The following RANBP2 variants were observed in gnomAD, a reference collection of about 807,000 sequenced individuals.
RANBP2 encodes RAN binding protein 2.
Under a neutral mutation model 303.6 loss-of-function variants are expected in RANBP2, and 57 were observed. That is an observed-to-expected ratio of 0.19 (90% CI 0.15 to 0.23). The LOEUF is 0.23. RANBP2 is among the 10% of genes least tolerant of loss of function. The pLI is 1.00. For synonymous variants in RANBP2, 1,167 were observed against 1,301.5 expected, an observed-to-expected ratio of 0.90 and a Z score of 2.23; for missense variants, 3,138 against 3,780.8, an observed-to-expected ratio of 0.83 and a Z score of 4.46.
chr2:108,974,329 CAAAAAAAAAAAA>C, the RANBP2 span, among the ~76,000 whole-genome samples: 935 of 61,616 alleles, frequency 0.015, 28 homozygotes, highest in African/African-American at 0.059. Flanking sequence ...GGATCCGTCT[CAAAAAAAAAAAA>C]AAAAAAAAAA....
chr2:109,332,147 C>T, the RANBP2 span, among the ~76,000 whole-genome samples: 605 of 152,286 alleles, frequency 4.0e-3, 8 homozygotes, highest in Non-Finnish European at 5.6e-3. Context: ...ACCAGAGAGG[C>T]GCTTTACCCA....
chr2:109,549,340 C>G, the RANBP2 span, among the ~76,000 whole-genome samples: 3 of 152,270 alleles, frequency 2.0e-5, no homozygotes, highest in South Asian at 4.2e-4. Flanking sequence ...CTTGAAAGGT[C>G]ACACAGCACT....
At chr2:109,018,606 C>A in the RANBP2 span, among the ~76,000 whole-genome samples, 1 of 152,350 alleles carries the variant, frequency 6.6e-6, no homozygotes, top group Admixed American at 6.5e-5. Context: ...CTTCTCCTAA[C>A]CTCCTGTTGA....
the RANBP2 span, among the ~76,000 whole-genome samples, chr2:109,354,205 G>A: frequency 6.6e-6 from 1 of 152,154 alleles, no homozygotes; most frequent in Non-Finnish European, 1.5e-5. Flanking sequence ...GTTGGGCCCT[G>A]TGTGTGTGGC....
the RANBP2 span, among the ~76,000 whole-genome samples, chr2:109,346,060 T>A: frequency 6.6e-6 from 1 of 152,264 alleles, no homozygotes; most frequent in African/African-American, 2.4e-5. Context: ...CCATTTTTTC[T>A]GATCACAGTG....
At chr2:109,080,169 T>C in the RANBP2 span, among the ~76,000 whole-genome samples, 1 of 152,118 alleles carries the variant, frequency 6.6e-6, no homozygotes, top group East Asian at 1.9e-4. Context: ...AAGATTTTAA[T>C]GGTTAATCAA....
At chr2:109,250,026 T>C in the RANBP2 span, among the ~76,000 whole-genome samples, 1 of 150,034 alleles carries the variant, frequency 6.7e-6, no homozygotes, top group African/African-American at 2.5e-5. Context: ...GAAATATAAA[T>C]GAAAACTTGT....
At chr2:109,147,450 C>G in the RANBP2 span, among the ~76,000 whole-genome samples, 1 of 152,180 alleles carries the variant, frequency 6.6e-6, no homozygotes, top group African/African-American at 2.4e-5. Flanking sequence ...AACATCATAT[C>G]TGTGCGTATT....
chr2:109,153,486 G>T, the RANBP2 span, among the ~76,000 whole-genome samples: 1 of 152,202 alleles, frequency 6.6e-6, no homozygotes, highest in Admixed American at 6.5e-5. Context: ...ACTGAAACTT[G>T]CCAGGAGAAA....
At chr2:109,560,650 A>T in the RANBP2 span, among the ~76,000 whole-genome samples, 1 of 152,184 alleles carries the variant, frequency 6.6e-6, no homozygotes, top group African/African-American at 2.4e-5. Context: ...GCTGTTTCAG[A>T]GGAAACTCAA....
chr2:109,275,513 C>T, the RANBP2 span, among the ~76,000 whole-genome samples: 10 of 152,080 alleles, frequency 6.6e-5, no homozygotes, highest in East Asian at 1.9e-4. Flanking sequence ...AGATTGTTCC[C>T]GATGACCTAG....
chr2:109,445,262 G>T, the RANBP2 span, among the ~76,000 whole-genome samples: 364 of 152,326 alleles, frequency 2.4e-3, 1 homozygote, highest in African/African-American at 8.2e-3. Context: ...ACAGAGAGAA[G>T]ATTCAAAGGA....
chr2:109,243,391 G>A, the RANBP2 span, among the ~76,000 whole-genome samples: 25 of 152,240 alleles, frequency 1.6e-4, no homozygotes, highest in Non-Finnish European at 3.2e-4. Context: ...GGCACATGCT[G>A]GAGTGCCTGT....
At chr2:109,441,697 T>C in the RANBP2 span, among the ~76,000 whole-genome samples, 2 of 152,296 alleles carry the variant, frequency 1.3e-5, no homozygotes, top group East Asian at 3.9e-4. Flanking sequence ...TCAAAGACAG[T>C]TGGTGAACAC....
chr2:109,071,058 T>C, the RANBP2 span, among the ~76,000 whole-genome samples: 1 of 152,080 alleles, frequency 6.6e-6, no homozygotes, highest in Non-Finnish European at 1.5e-5. Context: ...TTATAGCTAC[T>C]ACAAGGGGGA....
At chr2:109,487,145 T>C in the RANBP2 span, among the ~76,000 whole-genome samples, 1 of 152,152 alleles carries the variant, frequency 6.6e-6, no homozygotes, top group Non-Finnish European at 1.5e-5. Flanking sequence ...GCTTGCTTAC[T>C]CCCAGTCCCA....
At chr2:109,104,013 C>T in the RANBP2 span, among the ~76,000 whole-genome samples, 1 of 152,132 alleles carries the variant, frequency 6.6e-6, no homozygotes, top group South Asian at 2.1e-4. Context: ...CCAGGATGGT[C>T]TCCATCTCCT....
rs761948962 is a variant in RANBP2, at chr2:108,765,976, C to T, written c.5437C>T (p.Pro1813Ser). Residue 1813 changes from proline (P) to serine (S), a missense_variant, in exon 20 of 29, where the codon CCT becomes TCT. Coordinates refer to ENST00000283195, the MANE Select transcript of RANBP2 (RefSeq NM_006267.5). ...TGATGCCTCTAAACCAACTCATAAA[C>T]CTATTGCAGAAGCTCCTTCAGCTTT... is the stretch of plus-strand genomic sequence containing the variant. ...ACDASKPTHK[P>S]IAEAPSAFTL... The T allele has an allele frequency of 6.2e-7, 1 of 1,613,984 alleles. No individual in the cohort carries two copies.
chr2:109,702,461 C>G, the RANBP2 span, among the ~76,000 whole-genome samples: 4 of 152,190 alleles, frequency 2.6e-5, no homozygotes, highest in Non-Finnish European at 5.9e-5. Context: ...TGCCACCCAC[C>G]ACCTGAACTC....
Sources: allele counts gnomAD v4.1 joint callset (sites outside exome capture counted in the v4.1 genomes callset), GRCh38; gene constraint gnomAD v4.1.1; transcripts MANE v1.5; gene names NCBI Gene and HGNC (gene_info 2026-07-23, HGNC 2026-07-21).